Variants in ZNF43 observed in about 807,000 individuals in gnomAD.
ZNF43 encodes the protein zinc finger protein 43, also known as zinc finger protein 39-like 1 (KOX 27).
A neutral mutation model predicts 68.4 loss-of-function variants in ZNF43; 44 were observed. The observed-to-expected ratio is 0.64, with a 90% CI of 0.51 to 0.83. The LOEUF (loss-of-function observed/expected upper bound fraction) is 0.83, where lower values mean the gene tolerates loss of function less well. Among genes scored for constraint, ZNF43 ranks in the 40% least tolerant of loss-of-function variants. The pLI, the probability that ZNF43 is intolerant of heterozygous loss-of-function variation, is 0.00. For missense variants in ZNF43, 896 were observed against 933.2 expected, an observed-to-expected ratio of 0.96 and a Z score of 0.52; for synonymous variants, 308 against 307.8, an observed-to-expected ratio of 1.00 and a Z score of -0.01.
intron 1 of ZNF43, among the ~76,000 whole-genome samples, chr19:21,847,758 G>A (rs1968062145): frequency 6.6e-6 from 1 of 151,900 alleles, no homozygotes; most frequent in Non-Finnish European, 1.5e-5. Context: ...ACATCACAAA[G>A]CTCCATGTAG....
chr19:21,846,266 A>T (rs777283012), intron 1 of ZNF43, among the ~76,000 whole-genome samples: 3 of 152,062 alleles, frequency 2.0e-5, no homozygotes, highest in Non-Finnish European at 4.4e-5. Context: ...CACATTTCTT[A>T]CTGTGGACAG....
intron 1 of ZNF43, chr19:21,841,459 A>G (rs912743896): frequency 6.6e-6 from 1 of 152,232 alleles, no homozygotes; most frequent in Admixed American, 6.5e-5. Flanking sequence ...GGACCCAGCT[A>G]TGTCACAATT....
intron 1 of ZNF43, among the ~76,000 whole-genome samples, chr19:21,850,574 A>AG (rs1968281002): frequency 6.7e-6 from 1 of 149,280 alleles, no homozygotes; most frequent in Admixed American, 6.6e-5. Context: ...AAACAAAAAA[A>AG]GAAAAAGAAA....
At position 21,805,910 on chromosome 19, in the gene ZNF43, G is replaced by C. The variant is rs974169651; in HGVS notation, c.*1697C>G. 6.6e-6 allele frequency: 1 copy of C among 151,928 alleles called. No individual in the cohort carries two copies. Among genetic ancestry groups the C allele is most frequent in the Non-Finnish European group, 1.5e-5 (1 of 67,994 alleles). 9.4% of individuals were successfully genotyped at this position (151,928 alleles called of 1,614,324 possible). On this transcript the variant is annotated 3_prime_UTR_variant, in exon 4 of 4. Transcript: ENST00000354959. Reference sequence around the variant, plus strand: ...AGGTTAAAGTTAGAAGCATAATAATGCTTCATTGAATGTACAATGGTCTTA... The same window carrying C: ...AGGTTAAAGTTAGAAGCATAATAATCCTTCATTGAATGTACAATGGTCTTA...
rs1354371416 is a variant in ZNF43 at position 21,809,281 on chromosome 19, A to T, written c.756T>A (p.Tyr252Ter). The change falls in exon 4 of 4, where the codon TAT becomes TAA. Residue 252 changes from tyrosine (Y) to a stop codon, truncating the protein, a stop_gained. Coordinates refer to ENST00000354959, the MANE Select transcript of ZNF43 (RefSeq NM_003423.4). LOFTEE classifies it high-confidence loss of function. The stretch of plus-strand genomic sequence containing the variant: ...CACATTTGTAGAGTTTGTATCTAGT[A>T]TAATTTTTTTTATGTGTAGTAAGGC... ...SSRLTTHKKNYTRYKLYKCEE... is the reference protein window; with the variant it reads ...SSRLTTHKKN 1 of 1,613,456 alleles carries T rather than the reference A, an allele frequency of 6.2e-7. No homozygotes were observed. The highest frequency in any genetic ancestry group is 8.5e-7 in the Non-Finnish European group (1 of 1,179,848).
At chr19:21,839,848 A>T (rs1967394086), upstream of ZNF43, 1 of 152,190 alleles carries the variant, frequency 6.6e-6, no homozygotes. Flanking sequence ...ATGCCTGATG[A>T]GGAAAGTGCT....
intron 3 of ZNF43, among the ~76,000 whole-genome samples, chr19:21,812,398 G>C (rs2037322152): frequency 6.6e-6 from 1 of 152,178 alleles, no homozygotes; most frequent in South Asian, 2.1e-4. Flanking sequence ...ATAGGCGTAA[G>C]CCACTGCTCC....
At chr19:21,824,426 G>GT (rs1234205820) in intron 1 of ZNF43, among the ~76,000 whole-genome samples, 3 of 152,054 alleles carry the variant, frequency 2.0e-5, no homozygotes, top group Admixed American at 6.6e-5. Context: ...AGCCTCTCAC[G>GT]TAAGTGTTAG....
upstream of ZNF43, among the ~76,000 whole-genome samples, chr19:21,836,999 A>G (rs1967148550): frequency 6.6e-6 from 1 of 152,252 alleles, no homozygotes; most frequent in Non-Finnish European, 1.5e-5. Context: ...ATATACAAAA[A>G]GAGAACATTT....
intron 1 of ZNF43, among the ~76,000 whole-genome samples, chr19:21,820,227 A>ATAATATATACATATATAT (rs1568361747): frequency 2.8e-5 from 4 of 144,426 alleles, no homozygotes; most frequent in African/African-American, 1.1e-4. Flanking sequence ...ATATATATAT[A>ATAATATATACATATATAT]TAATATATAC....
rs1438122189 is a variant in ZNF43 at position 21,809,725 on chromosome 19, A to AT, written c.311dup (p.Tyr104Ter). Residue 104 changes from tyrosine to a stop codon, truncating the protein, a stop_gained and frameshift_variant, in exon 4 of 4, where the codon TAT (tyrosine) becomes TAAT (stop). Coordinates refer to ENST00000354959, the MANE Select transcript of ZNF43 (RefSeq NM_003423.4). LOFTEE classifies it high-confidence loss of function. ...DPFQKATLRRYKNCEHKNVHL... is the reference protein window; with the variant it reads ...DPFQKATLRR ...GTACATTTTTATGTTCACAGTTTTTATATCTTCTCAGTGTCGCTTTTTGGA... is the reference window on the plus strand; with the variant it reads ...GTACATTTTTATGTTCACAGTTTTTATTATCTTCTCAGTGTCGCTTTTTGGA... 7.4e-6 allele frequency: 12 copies of AT among 1,611,804 alleles called. No individual in the cohort carries two copies. Among genetic ancestry groups the AT allele is most frequent in the Non-Finnish European group, 1.0e-5 (12 of 1,179,488 alleles).
In ZNF43 at chr19:21,809,131, A is replaced by G. The variant is rs777756199; in HGVS notation, c.906T>C (p.Thr302=). The change falls in exon 4 of 4, where the codon ACT becomes ACC. Residue 302 remains threonine (T), a synonymous_variant. Coordinates refer to ENST00000354959, the MANE Select transcript of ZNF43 (RefSeq NM_003423.4). ...CTCCAGGATGAATTTTCTTATGTTC[A>G]GTAAGGTTTGAGGATTGGTTAAAAG... ...AKAFNQSSNL[T]EHKKIHPGEK... 10 of 1,613,500 alleles carry G rather than the reference A, an allele frequency of 6.2e-6. No homozygotes were observed. The highest frequency in any genetic ancestry group is 2.2e-5 in the South Asian group (2 of 91,076).
Position 21,817,891 on chromosome 19 carries a change from G to C in ZNF43, c.226C>G (p.Pro76Ala). The change falls in exon 3 of 4, where the codon CCA becomes GCA. Residue 76 changes from proline to alanine, a missense_variant. Transcript: ENST00000354959. The part of the protein sequence containing the change: ...MRRHEMVAKP[P>A]VMCSHFTQDF... ...ATTCACTTTCACTCTCACCTACCTG[G>C]GGGTTTGGCTACCATTTCATGTCTC... 6.2e-7 allele frequency: 1 copy of C among 1,612,486 alleles called. No individual in the cohort carries two copies. Among genetic ancestry groups the C allele is most frequent in the Non-Finnish European group, 8.5e-7 (1 of 1,178,872 alleles).
intron 1 of ZNF43, chr19:21,843,330 C>T: frequency 1.0e-6 from 1 of 983,562 alleles, no homozygotes; most frequent in Non-Finnish European, 1.2e-6. Context: ...ATCACACCTG[C>T]AGAAAGACCC....
chr19:21,849,160 C>CTCTG (rs1968159307), intron 1 of ZNF43, among the ~76,000 whole-genome samples: 1 of 152,148 alleles, frequency 6.6e-6, no homozygotes, highest in African/African-American at 2.4e-5. Flanking sequence ...TAATGACACT[C>CTCTG]TCTGTACCAC....
chr19:21,849,911 C>G (rs1968229083), intron 1 of ZNF43: 1 of 152,172 alleles, frequency 6.6e-6, no homozygotes, highest in Admixed American at 6.5e-5. Context: ...TTCACAATCC[C>G]ACCTGTGAAT....
chr19:21,835,774 C>G (rs1299103196), intron 1 of ZNF43, among the ~76,000 whole-genome samples: 1 of 152,232 alleles, frequency 6.6e-6, no homozygotes, highest in East Asian at 1.9e-4. Flanking sequence ...CCTGTGGCCC[C>G]TGCACAATTT....
At chr19:21,812,742 G>A (rs530906113) in intron 3 of ZNF43, among the ~76,000 whole-genome samples, 1 of 152,162 alleles carries the variant, frequency 6.6e-6, no homozygotes, top group African/African-American at 2.4e-5. Flanking sequence ...CCATAGGTCA[G>A]AAGTTCGAGA....
Position 21,825,419 on chromosome 19 carries a change from T to G in ZNF43, c.4-6198A>C, listed in dbSNP as rs185467824. Among the ~76,000 whole-genome samples the G allele has an allele frequency of 2.9e-3, 437 of 152,344 alleles. 1 individual carries two copies. The highest frequency in any genetic ancestry group is 5.3e-3 in the Non-Finnish European group (358 of 68,034). ...GGCAATAGCAAATAGTTTCAAGAGATAAATACATAGTTCAAAGGGAGGAGA... is the reference window on the plus strand; with the variant it reads ...GGCAATAGCAAATAGTTTCAAGAGAGAAATACATAGTTCAAAGGGAGGAGA... On this transcript the variant is annotated intron_variant, in intron 1 of 3. Coordinates refer to ENST00000354959, the MANE Select transcript of ZNF43 (RefSeq NM_003423.4).
Sources: gnomAD v4.1 joint callset for allele counts (sites outside exome capture counted in the v4.1 genomes callset) on GRCh38, gnomAD v4.1.1 for gene constraint, MANE v1.5 for transcripts, NCBI Gene and HGNC (gene_info 2026-07-23, HGNC 2026-07-21) for gene names.